The following OSBP variants were observed in gnomAD, a reference collection of about 807,000 sequenced individuals.
The protein encoded by OSBP is oxysterol binding protein.
In OSBP, 32 loss-of-function variants were observed where a neutral mutation model predicts 96.6. The observed-to-expected ratio is 0.33, with a 90% confidence interval of 0.25 to 0.45. The LOEUF (loss-of-function observed/expected upper bound fraction) is 0.45, where lower values mean the gene tolerates loss of function less well. Among genes scored for constraint, OSBP ranks in the 20% least tolerant of loss-of-function variants. The probability of loss-of-function intolerance (pLI) is 1.00; values close to 1 mark genes in which losing one functional copy is unlikely to be tolerated. For synonymous variants in OSBP, 369 were observed against 389.6 expected (o/e 0.95, Z 0.62); for missense variants, 653 against 1,029.7 (o/e 0.63, Z 5.01).
In OSBP at chr11:59,601,836, G is replaced by A. The variant is rs768019415; in HGVS notation, c.825C>T (p.Ala275=). ...FRITSNAMIN[A]CRDFLMLAQT... Reference sequence around the variant, plus strand: ...GGGCTAACATGAGGAAATCTCTGCAGGCCTGTATGGAGAAAGCGTTGACTG... The same window carrying A: ...GGGCTAACATGAGGAAATCTCTGCAAGCCTGTATGGAGAAAGCGTTGACTG... The change falls in exon 4 of 14, where the codon GCC becomes GCT. Residue 275 remains alanine, a splice_region_variant and synonymous_variant. Transcript: ENST00000263847. 3.1e-6 allele frequency: 5 copies of A among 1,613,864 alleles called. No individual in the cohort carries two copies. The highest frequency in any genetic ancestry group is 4.2e-6 in the Non-Finnish European group (5 of 1,179,806).
At chr11:59,613,287 T>C (rs1860875751) in intron 1 of OSBP, among the ~76,000 whole-genome samples, 1 of 152,218 alleles carries the variant, frequency 6.6e-6, no homozygotes, top group Admixed American at 6.5e-5. Context: ...TGGTATGTTT[T>C]GGAAGGAGTT....
intron 9 of OSBP, among the ~76,000 whole-genome samples, chr11:59,590,084 G>A (rs1409252010): frequency 6.6e-6 from 1 of 152,100 alleles, no homozygotes; most frequent in Admixed American, 6.5e-5. Context: ...AAATGTCAAG[G>A]GTTCTAATCT....
rs1276322052 is a variant in OSBP, at chr11:59,576,448, G to GA, written c.*128dup. ...GTGTCTCCTTCTGGTGATTGATTTGGAAAAAATGATTGGTCAAGAGAGACA... is the reference window on the plus strand; with the variant it reads ...GTGTCTCCTTCTGGTGATTGATTTGGAAAAAAATGATTGGTCAAGAGAGACA... On this transcript the variant is annotated 3_prime_UTR_variant, in exon 14 of 14. Transcript: ENST00000263847. 3 of 1,085,540 alleles carry GA rather than the reference G, an allele frequency of 2.8e-6. No individual in the cohort carries two copies. Among genetic ancestry groups the GA allele is most frequent in the Non-Finnish European group, 4.0e-6 (3 of 756,702 alleles). The allele number at this position is 1,085,540 out of a possible 1,614,324, so 67.2% of individuals were successfully genotyped here. A position where few individuals can be genotyped will look rare whatever the true frequency, so the allele number is the denominator to read the frequency against.
At chr11:59,598,835 G>T (rs1011525540) in intron 7 of OSBP, among the ~76,000 whole-genome samples, 1 of 152,106 alleles carries the variant, frequency 6.6e-6, no homozygotes, top group South Asian at 2.1e-4. Flanking sequence ...AGTGATGCAC[G>T]TGCCTTGGCC....
chr11:59,580,416 T>C (rs554482906), intron 10 of OSBP, 147 bp from the exon 11 acceptor site: 14 of 629,582 alleles, frequency 2.2e-5, no homozygotes, highest in Middle Eastern at 8.4e-4. Flanking sequence ...GGGAATGCTA[T>C]AGAATCCCTA....
chr11:59,613,164 A>G (rs531819203), intron 1 of OSBP, among the ~76,000 whole-genome samples: 1 of 152,318 alleles, frequency 6.6e-6, no homozygotes, highest in South Asian at 2.1e-4. Context: ...ATTTCAGTGC[A>G]ATTTTGAGGG....
At chr11:59,587,469 T>G (rs906355997) in intron 9 of OSBP, among the ~76,000 whole-genome samples, 1 of 149,894 alleles carries the variant, frequency 6.7e-6, no homozygotes, top group African/African-American at 2.5e-5. Context: ...GCCACTGCAC[T>G]CCAGACTGGA....
chr11:59,603,940 TC>T (rs1860750416), intron 3 of OSBP, among the ~76,000 whole-genome samples: 1 of 152,176 alleles, frequency 6.6e-6, no homozygotes, highest in South Asian at 2.1e-4. Context: ...TTTGCTTCCT[TC>T]CTCACAGCCA....
At chr11:59,585,758 A>G (rs1358144099) in intron 9 of OSBP, among the ~76,000 whole-genome samples, 2 of 152,270 alleles carry the variant, frequency 1.3e-5, no homozygotes, top group South Asian at 4.1e-4. Flanking sequence ...CTGAGAAATC[A>G]GATGGTTGCC....
At chr11:59,580,051 A>C in intron 11 of OSBP, 123 bp downstream of exon 11, 1 of 729,966 alleles carries the variant, frequency 1.4e-6, no homozygotes, top group Non-Finnish European at 2.4e-6. Flanking sequence ...ATGTACACAT[A>C]CACTATATAA....
chr11:59,600,427 T>C (rs1428303660), intron 7 of OSBP, 69 bp downstream of exon 7: 10 of 1,560,036 alleles, frequency 6.4e-6, no homozygotes, highest in South Asian at 1.2e-5. Flanking sequence ...GGGGCTGTCA[T>C]ATCAGCACTC....
At position 59,580,547 on chromosome 11, in the gene OSBP, T is replaced by A. The variant is rs557764537; in HGVS notation, c.1783-278A>T. Among the ~76,000 whole-genome samples, 7 of 152,310 alleles carry A rather than the reference T, an allele frequency of 4.6e-5. No individual in the cohort carries two copies. In the South Asian group the frequency reaches 1.5e-3, roughly 32 times the overall value. ...CATATACTGAAGTACACATGATAAT[T>A]TACCTTTCCAAACCAATCCCTCACT... On this transcript the variant is annotated intron_variant, in intron 10 of 13. Coordinates refer to ENST00000263847, the MANE Select transcript of OSBP (RefSeq NM_002556.3).
intron 7 of OSBP, among the ~76,000 whole-genome samples, chr11:59,596,510 C>G (rs961254685): frequency 6.6e-6 from 1 of 151,408 alleles, no homozygotes; most frequent in Admixed American, 6.6e-5. Flanking sequence ...AAAAGCCAAA[C>G]AGGGAAAGAA....
intron 7 of OSBP, among the ~76,000 whole-genome samples, chr11:59,595,560 A>AC (rs1860639184): frequency 6.6e-6 from 1 of 152,202 alleles, no homozygotes; most frequent in Non-Finnish European, 1.5e-5. Flanking sequence ...CTTTGAAAAC[A>AC]AAGTATCAAG....
chr11:59,603,465 C>G (rs1408651550), intron 3 of OSBP, among the ~76,000 whole-genome samples: 1 of 152,054 alleles, frequency 6.6e-6, no homozygotes, highest in Admixed American at 6.5e-5. Context: ...ATATCCAACT[C>G]CCTATTCAAC....
chr11:59,583,701 T>C (rs1005827399), intron 9 of OSBP, among the ~76,000 whole-genome samples: 2 of 140,390 alleles, frequency 1.4e-5, no homozygotes, highest in Non-Finnish European at 3.0e-5. Flanking sequence ...TGGAGTGCAG[T>C]GGCACGGTCT....
Position 59,610,388 on chromosome 11 carries a change from T to C in OSBP, c.564A>G (p.Ala188=). The change falls in exon 2 of 14, where the codon GCA becomes GCG. Residue 188 remains alanine (A), a synonymous_variant. Transcript: ENST00000263847. ...GTGTTCTTTGTTCCTGACCTGACTC[T>C]GCCAGCATCTTCACAGCTTTGGCCT... ...LAKAKAVKML[A]ESDESGDEES... 2.5e-6 allele frequency: 4 copies of C among 1,612,914 alleles called. No individual in the cohort carries two copies. Among genetic ancestry groups the C allele is most frequent in the Non-Finnish European group, 3.4e-6 (4 of 1,179,996 alleles).
chr11:59,590,789 C>G (rs1188578791), intron 9 of OSBP, among the ~76,000 whole-genome samples: 1 of 152,170 alleles, frequency 6.6e-6, no homozygotes. Flanking sequence ...AATTGAGTGC[C>G]ATGGCAAATG....
In OSBP at chr11:59,608,645, A is replaced by G. The variant is rs1238335845; in HGVS notation, c.661T>C (p.Leu221=). Residue 221 remains leucine (L), a synonymous_variant, in exon 3 of 14, where the codon TTG becomes CTG. Coordinates refer to ENST00000263847, the MANE Select transcript of OSBP (RefSeq NM_002556.3). ...GCTATCAAGTCATTGCACGTGCTCAAGTCCTCTACTTTGCTAGAGAGGGTC... is the reference window on the plus strand; with the variant it reads ...GCTATCAAGTCATTGCACGTGCTCAGGTCCTCTACTTTGCTAGAGAGGGTC... The part of the protein sequence containing the change: ...LRTLSSKVED[L]STCNDLIAKH... The G allele has an allele frequency of 1.2e-6, 2 of 1,614,064 alleles. No individual in the cohort carries two copies. The highest frequency in any genetic ancestry group is 1.7e-6 in the Non-Finnish European group (2 of 1,179,992).
Sources: gnomAD v4.1 joint callset for allele counts (sites outside exome capture counted in the v4.1 genomes callset) on GRCh38, gnomAD v4.1.1 for gene constraint, MANE v1.5 for transcripts, NCBI Gene and HGNC (gene_info 2026-07-23, HGNC 2026-07-21) for gene names.